Variants in RUFY1 observed in about 807,000 individuals in gnomAD.
RUFY1 encodes RUN and FYVE domain-containing protein 1.
In RUFY1, 54 loss-of-function variants were observed where a neutral mutation model predicts 94.6. The ratio of observed to expected loss-of-function variants is 0.57; its 90% confidence interval spans 0.46 to 0.72. The LOEUF is 0.72. Ranked by LOEUF, RUFY1 falls within the 30% of genes least tolerant of loss-of-function variation. The probability of loss-of-function intolerance (pLI) is 0.00; values close to 1 mark genes in which losing one functional copy is unlikely to be tolerated. For missense variants in RUFY1, 883 were observed against 883.9 expected (o/e 1.00, Z 0.01); for synonymous variants, 396 against 347.3 (o/e 1.14, Z -1.56).
In RUFY1 at chr5:179,601,947, A is replaced by G. The variant is rs781265031; in HGVS notation, c.1817A>G (p.Gln606Arg). The G allele has an allele frequency of 1.2e-5, 19 of 1,613,786 alleles. No homozygotes were observed. The Admixed American group carries it at 3.2e-4, about 27-fold the overall frequency. ...GAGCTGCAGAAGATCTGCGAGGAGC[A>G]GGAACAAGCCCTCCAGGAAATGGGC... ...KAELQKICEE[Q>R]EQALQEMGLH... Residue 606 changes from glutamine (Q) to arginine (R), a missense_variant, in exon 15 of 18, where the codon CAG (glutamine) becomes CGG (arginine). Transcript: ENST00000319449.
In RUFY1 at chr5:179,577,134, GGAGT is replaced by G; in HGVS notation, c.889_890+2del. On this transcript the variant is annotated splice_donor_variant and coding_sequence_variant, in exon 6 of 18. Transcript: ENST00000319449. LOFTEE classifies it high-confidence loss of function. The stretch of plus-strand genomic sequence containing the variant: ...ATGTGCAGGATCTTGATGGTGGCAA[GGAGT>G]AAGTACTGCGTTGTATGTCACTTTT... 1.7e-6 allele frequency: 2 copies of G among 1,195,824 alleles called. No individual in the cohort carries two copies. The highest frequency in any genetic ancestry group is 2.4e-6 in the Non-Finnish European group (2 of 818,770). The allele number at this position is 1,195,824 out of a possible 1,614,324, so 74.1% of individuals were successfully genotyped here.
At position 179,550,562 on chromosome 5, in the gene RUFY1, C is replaced by A; in HGVS notation, c.-8C>A. 7.8e-7 allele frequency: 1 copy of A among 1,284,732 alleles called. No homozygotes were observed. Among genetic ancestry groups the A allele is most frequent in the Non-Finnish European group, 9.8e-7 (1 of 1,017,264 alleles). 79.6% of individuals were successfully genotyped at this position (1,284,732 alleles called of 1,614,324 possible). ...CGCCCGCCCGCTGGGTCACATGACA[C>A]GGCCAAGATGGCCGACCGGGAAGGC... is the stretch of plus-strand genomic sequence containing the variant. On this transcript the variant is annotated 5_prime_UTR_variant, in exon 1 of 18. Transcript: ENST00000319449.
chr5:179,577,582 G>A (rs913547519), intron 6 of RUFY1, among the ~76,000 whole-genome samples: 1 of 144,884 alleles, frequency 6.9e-6, no homozygotes, highest in African/African-American at 2.7e-5. Context: ...GCGTGGTGGG[G>A]CTGGAGGGGA....
At chr5:179,581,198 G>A (rs550651477) in intron 7 of RUFY1, among the ~76,000 whole-genome samples, 186 bp downstream of exon 7, 4 of 152,160 alleles carry the variant, frequency 2.6e-5, no homozygotes, top group East Asian at 3.9e-4. Context: ...TAAACTCTTG[G>A]GAAATCTTTA....
At chr5:179,604,458 C>T (rs1331125393) in intron 15 of RUFY1, among the ~76,000 whole-genome samples, 1 of 152,196 alleles carries the variant, frequency 6.6e-6, no homozygotes, top group Non-Finnish European at 1.5e-5. Flanking sequence ...GCAGCCTCTT[C>T]TCATCCTGTC....
intron 11 of RUFY1, among the ~76,000 whole-genome samples, chr5:179,594,249 G>A (rs1765353351): frequency 1.3e-5 from 2 of 151,250 alleles, no homozygotes; most frequent in East Asian, 2.0e-4. Flanking sequence ...GCAGTGAGCC[G>A]AAATCATTCC....
At chr5:179,568,497 A>G (rs1202572399) in intron 4 of RUFY1, among the ~76,000 whole-genome samples, 1 of 152,214 alleles carries the variant, frequency 6.6e-6, no homozygotes, top group Non-Finnish European at 1.5e-5. Flanking sequence ...ATATCTTTAC[A>G]CGACAAATAC....
intron 6 of RUFY1, among the ~76,000 whole-genome samples, chr5:179,577,738 C>G (rs1037695676): frequency 4.0e-5 from 6 of 151,700 alleles, no homozygotes; most frequent in African/African-American, 1.5e-4. Flanking sequence ...TAGGTGTGTC[C>G]GCTCCTTTCA....
intron 11 of RUFY1, among the ~76,000 whole-genome samples, chr5:179,594,284 A>T (rs961948443): frequency 8.0e-5 from 12 of 150,518 alleles, no homozygotes; most frequent in African/African-American, 2.9e-4. Context: ...TGGGCAACAG[A>T]GCGCAACTCC....
rs746558643 is a variant in RUFY1, at chr5:179,598,768, G to C, written c.1708G>C (p.Asp570His). 63 of 1,614,062 alleles carry C rather than the reference G, an allele frequency of 3.9e-5. No individual in the cohort carries two copies. In the South Asian group the frequency reaches 6.0e-4, roughly 15 times the overall value. Reference sequence around the variant, plus strand: ...TCAGCGCGAATTACAGCACGAGAAAGACACTTCCTCTCTACTCAGGATGGA... The same window carrying C: ...TCAGCGCGAATTACAGCACGAGAAACACACTTCCTCTCTACTCAGGATGGA... Reference protein sequence around the residue: ...ALQRELQHEKDTSSLLRMELQ... With the variant: ...ALQRELQHEKHTSSLLRMELQ... Residue 570 changes from aspartate (D) to histidine (H), a missense_variant, in exon 14 of 18, where the codon GAC becomes CAC. Asp to His is a moderately conservative substitution (Grantham distance 81, BLOSUM62 -1). Transcript: ENST00000319449.
chr5:179,585,262 A>T (rs1342580223), intron 7 of RUFY1, among the ~76,000 whole-genome samples: 1 of 151,704 alleles, frequency 6.6e-6, no homozygotes, highest in East Asian at 2.0e-4. Flanking sequence ...GGGAGAAAAA[A>T]ATTCTCTTTC....
At chr5:179,583,270 A>C (rs1764305470) in intron 7 of RUFY1, among the ~76,000 whole-genome samples, 2 of 151,846 alleles carry the variant, frequency 1.3e-5, no homozygotes, top group South Asian at 4.2e-4. Flanking sequence ...ACTGCACTCC[A>C]GCCTGGGTGA....
chr5:179,574,272 G>A (rs1207361632), intron 5 of RUFY1, among the ~76,000 whole-genome samples: 1 of 152,096 alleles, frequency 6.6e-6, no homozygotes, highest in Non-Finnish European at 1.5e-5. Context: ...GCGTGTGCCT[G>A]TAATCCCGGT....
intron 14 of RUFY1, 88 bp downstream of exon 14, chr5:179,598,909 CT>C: frequency 6.7e-7 from 1 of 1,481,680 alleles, no homozygotes; most frequent in South Asian, 1.2e-5. Flanking sequence ...TCCCCGCACC[CT>C]TTGTGTGGGG....
In RUFY1 at chr5:179,567,441, A is replaced by G. The variant is rs1213921701; in HGVS notation, c.603-20A>G. 2 of 1,585,482 alleles carry G rather than the reference A, an allele frequency of 1.3e-6. No individual in the cohort carries two copies. The highest frequency in any genetic ancestry group is 2.2e-5 in the East Asian group (1 of 44,730). The stretch of plus-strand genomic sequence containing the variant: ...TGTTGTTGTTATGCCACAATAGTTG[A>G]TTCTCTGTTTGAATTCTAGGACAGC... On this transcript the variant is annotated intron_variant, in intron 3 of 17. Coordinates refer to ENST00000319449, the MANE Select transcript of RUFY1 (RefSeq NM_025158.5).
At chr5:179,580,298 A>G (rs1284146964) in intron 6 of RUFY1, among the ~76,000 whole-genome samples, 5 of 144,432 alleles carry the variant, frequency 3.5e-5, no homozygotes, top group African/African-American at 7.7e-5. Context: ...GCTGGAGTGC[A>G]GTGGCGCCAT....
intron 15 of RUFY1, among the ~76,000 whole-genome samples, chr5:179,605,461 C>A (rs895658032): frequency 6.6e-6 from 1 of 152,184 alleles, no homozygotes; most frequent in African/African-American, 2.4e-5. Flanking sequence ...AGCCTTCCCC[C>A]TTCCAGACAG....
At chr5:179,581,630 G>C (rs1313698566) in intron 7 of RUFY1, among the ~76,000 whole-genome samples, 1 of 151,668 alleles carries the variant, frequency 6.6e-6, no homozygotes, top group Non-Finnish European at 1.5e-5. Context: ...GAAGAAGCTG[G>C]CATGTTCCTC....
chr5:179,589,585 G>C lies in RUFY1; in HGVS notation c.1066G>C (p.Glu356Gln). 6.2e-7 allele frequency: 1 copy of C among 1,614,142 alleles called. No homozygotes were observed. The highest frequency in any genetic ancestry group is 8.5e-7 in the Non-Finnish European group (1 of 1,180,008). ...ATDRICSLQEEQQQLREQNEL... is the reference protein window; with the variant it reads ...ATDRICSLQEQQQQLREQNEL... ...AGACCGAATTTGCTCACTTCAAGAA[G>C]AACAGCAGCAGTTAAGAGAACAAAA... Residue 356 changes from glutamate (E) to glutamine (Q), a missense_variant, in exon 9 of 18, where the codon GAA becomes CAA. By Grantham distance (29) the Glu-to-Gln change is conservative (BLOSUM62 2). Coordinates refer to ENST00000319449, the MANE Select transcript of RUFY1 (RefSeq NM_025158.5).
Sources: allele counts gnomAD v4.1 joint callset (sites outside exome capture counted in the v4.1 genomes callset), GRCh38; gene constraint gnomAD v4.1.1; transcripts MANE v1.5; gene names NCBI Gene and HGNC (gene_info 2026-07-23, HGNC 2026-07-21).